The following TMEM117 variants were observed in gnomAD, a reference collection of about 807,000 sequenced individuals.
The protein encoded by TMEM117 is transmembrane protein 117.
In TMEM117, 27 loss-of-function variants were observed where a neutral mutation model predicts 52.4. The ratio of observed to expected loss-of-function variants is 0.51; its 90% CI spans 0.38 to 0.71. The LOEUF is 0.71. TMEM117 is among the 30% of genes least tolerant of loss of function. The pLI, the probability that TMEM117 is intolerant of heterozygous loss-of-function variation, is 0.00. For missense variants in TMEM117, 556 were observed against 630.5 expected, an observed-to-expected ratio of 0.88 and a Z score of 1.26; for synonymous variants, 215 against 206.3, an observed-to-expected ratio of 1.04 and a Z score of -0.36.
chr12:44,328,614 A>G (rs746127325), intron 6 of TMEM117, among the ~76,000 whole-genome samples: 1 of 152,160 alleles, frequency 6.6e-6, no homozygotes, highest in Non-Finnish European at 1.5e-5. Flanking sequence ...ACTAAAAGAT[A>G]TCTTTGGTTG....
chr12:43,998,927 C>A (rs1209389435), intron 3 of TMEM117, among the ~76,000 whole-genome samples: 1 of 152,110 alleles, frequency 6.6e-6, no homozygotes. Context: ...TATTCAAATA[C>A]CCAAACACAT....
intron 4 of TMEM117, among the ~76,000 whole-genome samples, chr12:44,191,027 T>C (rs888996896): frequency 7.9e-5 from 12 of 151,310 alleles, no homozygotes; most frequent in African/African-American, 2.9e-4. Flanking sequence ...GGGTAATTTA[T>C]AAAGAAAGAG....
At chr12:44,163,032 A>G (rs188102493) in intron 4 of TMEM117, among the ~76,000 whole-genome samples, 5 of 152,310 alleles carry the variant, frequency 3.3e-5, no homozygotes, top group African/African-American at 1.2e-4. Context: ...GCCTCACTTA[A>G]GTGTCTGTTG....
intron 2 of TMEM117, among the ~76,000 whole-genome samples, chr12:43,852,430 CAAAA>C (rs34031222): frequency 0.7 from 104,998 of 150,854 alleles, 40,718 homozygotes; most frequent in East Asian, 0.87. Context: ...GACTCCATCT[CAAAA>C]AAAAACAAAA....
At chr12:43,983,262 C>A (rs896613765) in intron 3 of TMEM117, among the ~76,000 whole-genome samples, 3 of 152,078 alleles carry the variant, frequency 2.0e-5, no homozygotes, top group Non-Finnish European at 2.9e-5. Context: ...AGAAAGAGTT[C>A]CCAGCACCAA....
chr12:43,964,979 T>G (rs1945461771), intron 3 of TMEM117, among the ~76,000 whole-genome samples: 1 of 152,236 alleles, frequency 6.6e-6, no homozygotes, highest in Admixed American at 6.5e-5. Context: ...TATACCTTCT[T>G]ATGTCTACAA....
intron 2 of TMEM117, among the ~76,000 whole-genome samples, chr12:43,862,507 C>G (rs1412266562): frequency 1.3e-5 from 2 of 152,162 alleles, no homozygotes; most frequent in African/African-American, 4.8e-5. Flanking sequence ...TGGCATAACT[C>G]CAAGCATGGC....
chr12:44,056,628 A>G lies in TMEM117; in HGVS notation c.411-86897A>G, dbSNP rs549780009. Among the ~76,000 whole-genome samples, 4 of 152,278 alleles carry G rather than the reference A, an allele frequency of 2.6e-5. No individual in the cohort carries two copies. The South Asian group carries it at 8.3e-4, about 32-fold the overall frequency. On this transcript the variant is annotated intron_variant, in intron 3 of 7. Coordinates refer to ENST00000266534, the MANE Select transcript of TMEM117 (RefSeq NM_032256.3). ...CTCTCTCTTTTGTATTTTAACATAA[A>G]TTATACATTTGTGGGAAAGTGGGTG...
intron 5 of TMEM117, among the ~76,000 whole-genome samples, chr12:44,277,846 C>A (rs1204326062): frequency 1.4e-5 from 2 of 147,168 alleles, no homozygotes; most frequent in African/African-American, 5.1e-5. Flanking sequence ...TCACTGCAAC[C>A]TCCACCTTCC....
intron 3 of TMEM117, among the ~76,000 whole-genome samples, chr12:44,079,942 C>CG (rs980424420): frequency 6.1e-5 from 9 of 146,970 alleles, no homozygotes; most frequent in African/African-American, 2.3e-4. Flanking sequence ...CACTTGAACC[C>CG]GGGGGGCACA....
chr12:44,190,901 T>C (rs1010661445), intron 4 of TMEM117, among the ~76,000 whole-genome samples: 3 of 148,174 alleles, frequency 2.0e-5, no homozygotes, highest in Non-Finnish European at 4.5e-5. Context: ...ATATAAAGTA[T>C]ATATGTAATA....
In TMEM117 at chr12:44,141,592, G is replaced by C. The variant is rs376190372; in HGVS notation, c.411-1933G>C. Among the ~76,000 whole-genome samples the C allele has an allele frequency of 4.0e-4, 61 of 152,220 alleles. No homozygotes were observed. In the South Asian group the frequency reaches 0.012, roughly 31 times the overall value. On this transcript the variant is annotated intron_variant, in intron 3 of 7. Transcript: ENST00000266534. ...CCCTAAAATTTCCACTCTACCCCAA[G>C]ATATTCTAGAACTAATTGGAAAAGT...
At chr12:44,176,968 A>G (rs1173448615) in intron 4 of TMEM117, among the ~76,000 whole-genome samples, 1 of 152,156 alleles carries the variant, frequency 6.6e-6, no homozygotes, top group Non-Finnish European at 1.5e-5. Flanking sequence ...CTAGCTCAGG[A>G]AGGAAAGGGG....
At chr12:44,123,457 C>T (rs749259003) in intron 3 of TMEM117, among the ~76,000 whole-genome samples, 2 of 151,896 alleles carry the variant, frequency 1.3e-5, no homozygotes, top group African/African-American at 2.4e-5. Flanking sequence ...TTTGCATTTT[C>T]GTCATGAAAT....
intron 4 of TMEM117, among the ~76,000 whole-genome samples, chr12:44,145,310 C>T (rs1948628270): frequency 6.6e-6 from 1 of 151,990 alleles, no homozygotes; most frequent in South Asian, 2.1e-4. Context: ...ATTTTGACAT[C>T]ACTTTGTGGC....
intron 6 of TMEM117, among the ~76,000 whole-genome samples, chr12:44,353,926 T>C (rs909993656): frequency 1.3e-5 from 2 of 152,234 alleles, no homozygotes; most frequent in Non-Finnish European, 2.9e-5. Context: ...TTCCTACCCA[T>C]GAGCATGGAA....
chr12:44,103,949 T>A (rs1947908501), intron 3 of TMEM117, among the ~76,000 whole-genome samples: 1 of 152,014 alleles, frequency 6.6e-6, no homozygotes, highest in Non-Finnish European at 1.5e-5. Flanking sequence ...AACTATGTAA[T>A]GTTCATTATC....
At chr12:44,020,268 T>C (rs1384790655) in intron 3 of TMEM117, among the ~76,000 whole-genome samples, 1 of 152,206 alleles carries the variant, frequency 6.6e-6, no homozygotes, top group Admixed American at 6.5e-5. Context: ...TTATTTTATG[T>C]CTTTTTTACT....
rs1952127311 is a variant in TMEM117, at chr12:44,388,565, T to C, written c.1438T>C (p.Ser480Pro). ...RSDFNEIVYK[S>P]SHLTSENLSS... ...TGACTTCAATGAGATCGTCTACAAG[T>C]CTTCCCACCTAACCTCGGAAAACTT... Residue 480 changes from serine to proline, a missense_variant, in exon 8 of 8, where the codon TCT becomes CCT. By Grantham distance (74) the Ser-to-Pro change is moderately conservative. Around this residue, in one of 3 missense-constraint regions of TMEM117, gnomAD observed 206 missense variants for 211.1 expected, o/e 0.98. Transcript: ENST00000266534. 1 of 1,613,402 alleles carries C rather than the reference T, an allele frequency of 6.2e-7. No individual in the cohort carries two copies. The highest frequency in any genetic ancestry group is 1.3e-5 in the African/African-American group (1 of 74,860).
Sources: gnomAD v4.1 joint callset for allele counts (sites outside exome capture counted in the v4.1 genomes callset) on GRCh38, gnomAD v4.1.1 for gene constraint, gnomAD v4.1.1 regional missense constraint, MANE v1.5 for transcripts, NCBI Gene and HGNC (gene_info 2026-07-23, HGNC 2026-07-21) for gene names.